The following KCTD8 variants were observed in gnomAD, a reference collection of about 807,000 sequenced individuals.
KCTD8 encodes the protein BTB/POZ domain-containing protein KCTD8.
In KCTD8, 27 loss-of-function variants were observed where a neutral mutation model predicts 31.5. The ratio of observed to expected loss-of-function variants is 0.86; its 90% CI spans 0.63 to 1.18. KCTD8 has a LOEUF of 1.18. Among genes scored for constraint, KCTD8 ranks in the 50% most tolerant of loss-of-function variants. The pLI, the probability that KCTD8 is intolerant of heterozygous loss-of-function variation, is 0.00. For synonymous variants in KCTD8, 290 were observed against 280.0 expected (o/e 1.04, Z -0.36); for missense variants, 658 against 647.7 (o/e 1.02, Z -0.17).
At chr4:44,176,531 T>TA (rs1322595286) in intron 1 of KCTD8, among the ~76,000 whole-genome samples, 1 of 152,206 alleles carries the variant, frequency 6.6e-6, no homozygotes, top group Non-Finnish European at 1.5e-5. Context: ...GATTAAGAGA[T>TA]AAAAAACCTT....
At chr4:44,366,028 G>T (rs1719624270) in intron 1 of KCTD8, among the ~76,000 whole-genome samples, 1 of 152,070 alleles carries the variant, frequency 6.6e-6, no homozygotes, top group South Asian at 2.1e-4. Context: ...ATTACAATAT[G>T]ACATGATTTA....
intron 1 of KCTD8, among the ~76,000 whole-genome samples, chr4:44,415,340 G>T (rs2109466679): frequency 6.6e-6 from 1 of 152,260 alleles, no homozygotes; most frequent in South Asian, 2.1e-4. Flanking sequence ...TGAAAAATTT[G>T]CAGGCTGGCC....
chr4:44,241,804 T>C (rs1009412508), intron 1 of KCTD8, among the ~76,000 whole-genome samples: 3 of 152,200 alleles, frequency 2.0e-5, no homozygotes, highest in African/African-American at 7.2e-5. Context: ...AGTACAGGCC[T>C]GCACAGTCCA....
chr4:44,187,150 A>G (rs537681482), intron 1 of KCTD8, among the ~76,000 whole-genome samples: 2 of 152,368 alleles, frequency 1.3e-5, no homozygotes, highest in East Asian at 3.9e-4. Flanking sequence ...AGTTTATTAA[A>G]GAGAAATAAA....
intron 1 of KCTD8, among the ~76,000 whole-genome samples, chr4:44,201,428 C>T (rs568836077): frequency 5.8e-4 from 88 of 152,078 alleles, no homozygotes; most frequent in African/African-American, 2.0e-3. Flanking sequence ...CTATAATAAC[C>T]AAAACAGCAT....
intron 1 of KCTD8, among the ~76,000 whole-genome samples, chr4:44,322,213 A>G (rs1718312887): frequency 6.6e-6 from 1 of 152,012 alleles, no homozygotes; most frequent in South Asian, 2.1e-4. Context: ...TTACATTCCC[A>G]CCAACAGTGT....
At chr4:44,331,828 GAA>G (rs1042681484) in intron 1 of KCTD8, among the ~76,000 whole-genome samples, 1 of 147,766 alleles carries the variant, frequency 6.8e-6, no homozygotes, top group African/African-American at 2.5e-5. Context: ...TCATATATAT[GAA>G]AAAAATAAAA....
chr4:44,299,633 CAGG>C (rs916190955), intron 1 of KCTD8, among the ~76,000 whole-genome samples: 16 of 150,818 alleles, frequency 1.1e-4, no homozygotes, highest in African/African-American at 3.9e-4. Context: ...GAGGCTGAGG[CAGG>C]AGAATTGCTT....
intron 1 of KCTD8, among the ~76,000 whole-genome samples, chr4:44,332,091 C>T (rs989985968): frequency 2.0e-5 from 3 of 151,902 alleles, no homozygotes; most frequent in Non-Finnish European, 4.4e-5. Flanking sequence ...TAATGCAATA[C>T]GCTGAAAGAA....
chr4:44,397,701 A>G (rs1489751391), intron 1 of KCTD8, among the ~76,000 whole-genome samples: 1 of 152,070 alleles, frequency 6.6e-6, no homozygotes, highest in African/African-American at 2.4e-5. Context: ...TAAAAATGAG[A>G]TTATATCTTC....
At chr4:44,367,319 G>A (rs1049805563) in intron 1 of KCTD8, among the ~76,000 whole-genome samples, 3 of 152,146 alleles carry the variant, frequency 2.0e-5, no homozygotes, top group African/African-American at 4.8e-5. Context: ...GACACAGCCT[G>A]ATACACGGAA....
At chr4:44,437,159 G>A (rs564565447) in intron 1 of KCTD8, among the ~76,000 whole-genome samples, 1 of 151,906 alleles carries the variant, frequency 6.6e-6, no homozygotes, top group South Asian at 2.1e-4. Flanking sequence ...CTGCAAGTTG[G>A]AAAATGAGCT....
chr4:44,237,911 T>C (rs1246884468), intron 1 of KCTD8, among the ~76,000 whole-genome samples: 1 of 152,138 alleles, frequency 6.6e-6, no homozygotes. Context: ...TCAGTTTCCA[T>C]TAATGTGTAC....
chr4:44,355,414 TC>T (rs1411526775), intron 1 of KCTD8, among the ~76,000 whole-genome samples: 1 of 152,162 alleles, frequency 6.6e-6, no homozygotes, highest in African/African-American at 2.4e-5. Flanking sequence ...CGTCTTTTCC[TC>T]ATTAAGAACT....
chr4:44,367,259 C>T (rs978083347), intron 1 of KCTD8, among the ~76,000 whole-genome samples: 6 of 152,082 alleles, frequency 3.9e-5, no homozygotes, highest in South Asian at 2.1e-4. Flanking sequence ...TATGATAAGC[C>T]GCAAGAGTAC....
intron 1 of KCTD8, among the ~76,000 whole-genome samples, chr4:44,325,434 A>G (rs1718418379): frequency 6.6e-6 from 1 of 151,894 alleles, no homozygotes; most frequent in Non-Finnish European, 1.5e-5. Flanking sequence ...TTTATTTAAC[A>G]ACTTGCTTAT....
At chr4:44,267,005 G>T (rs1373647678) in intron 1 of KCTD8, among the ~76,000 whole-genome samples, 2 of 151,978 alleles carry the variant, frequency 1.3e-5, no homozygotes, top group Admixed American at 1.3e-4. Flanking sequence ...AGTTAACAAG[G>T]ATACCCAGGA....
intron 1 of KCTD8, among the ~76,000 whole-genome samples, chr4:44,309,901 A>G (rs1717902748): frequency 6.6e-6 from 1 of 152,134 alleles, no homozygotes; most frequent in Admixed American, 6.5e-5. Flanking sequence ...TAAAATACTA[A>G]AATTATTTAT....
chr4:44,182,494 C>A (rs1051046967), intron 1 of KCTD8, among the ~76,000 whole-genome samples: 1 of 152,202 alleles, frequency 6.6e-6, no homozygotes, highest in Non-Finnish European at 1.5e-5. Context: ...TTACCCCCAA[C>A]CATGCACTCT....
Sources: allele counts gnomAD v4.1 joint callset (sites outside exome capture counted in the v4.1 genomes callset), GRCh38; gene constraint gnomAD v4.1.1; transcripts MANE v1.5; gene names NCBI Gene and HGNC (gene_info 2026-07-23, HGNC 2026-07-21).